The following STOX1 variants were observed in gnomAD, a reference collection of about 807,000 sequenced individuals.
STOX1 encodes storkhead-box protein 1.
Under a neutral mutation model 74.8 loss-of-function variants are expected in STOX1, and 57 were observed. That is an observed-to-expected ratio of 0.76 (90% confidence interval 0.62 to 0.95). STOX1 has a LOEUF of 0.95. Ranked by LOEUF, STOX1 falls within the 40% of genes least tolerant of loss-of-function variation. STOX1 has a pLI of 0.00. For missense variants in STOX1, 1,010 were observed against 1,117.0 expected (o/e 0.90, Z 1.37); for synonymous variants, 375 against 401.3 (o/e 0.93, Z 0.78).
intron 1 of STOX1, among the ~76,000 whole-genome samples, chr10:68,868,286 C>T (rs1198960597): frequency 1.3e-5 from 2 of 152,184 alleles, no homozygotes; most frequent in Non-Finnish European, 2.9e-5. Flanking sequence ...GCAGTAAGCC[C>T]GAGATAAACA....
intron 1 of STOX1, chr10:68,828,948 C>G (rs1403456456): frequency 2.0e-6 from 2 of 985,086 alleles, no homozygotes; most frequent in Non-Finnish European, 2.4e-6. Context: ...GAAACTAAAC[C>G]ACCGCACCCG....
At chr10:68,864,594 A>C (rs922694091) in intron 1 of STOX1, among the ~76,000 whole-genome samples, 1 of 152,236 alleles carries the variant, frequency 6.6e-6, no homozygotes, top group African/African-American at 2.4e-5. Context: ...CCAAATAAGG[A>C]GTCAAAGTCA....
chr10:68,837,660 G>T (rs568354426), intron 1 of STOX1, among the ~76,000 whole-genome samples: 1 of 152,314 alleles, frequency 6.6e-6, no homozygotes, highest in African/African-American at 2.4e-5. Context: ...TGCCCATGGT[G>T]CTTGTTCAGT....
chr10:68,841,106 C>A (rs1589217073), intron 1 of STOX1, among the ~76,000 whole-genome samples: 1 of 152,206 alleles, frequency 6.6e-6, no homozygotes, highest in African/African-American at 2.4e-5. Flanking sequence ...ACCACCAAGT[C>A]TGGCTCATTT....
At chr10:68,883,673 C>T (rs537428734) in intron 2 of STOX1, among the ~76,000 whole-genome samples, 1 of 151,836 alleles carries the variant, frequency 6.6e-6, no homozygotes, top group South Asian at 2.1e-4. Context: ...CTCAGCCTCC[C>T]AAAGTGCTGG....
At chr10:68,849,737 A>C (rs965765981) in intron 1 of STOX1, among the ~76,000 whole-genome samples, 4 of 152,172 alleles carry the variant, frequency 2.6e-5, no homozygotes, top group African/African-American at 4.8e-5. Flanking sequence ...AATTCCTCTC[A>C]TGATTGTTCT....
chr10:68,864,576 G>A (rs1840355684), intron 1 of STOX1, among the ~76,000 whole-genome samples: 1 of 152,302 alleles, frequency 6.6e-6, no homozygotes, highest in African/African-American at 2.4e-5. Flanking sequence ...TCATAGTAGC[G>A]ATTTGATCCA....
In STOX1 at chr10:68,886,835, G is replaced by A. The variant is rs565111798; in HGVS notation, c.2822+217G>A. 3.3e-5 allele frequency among the ~76,000 whole-genome samples: 5 copies of A among 151,820 alleles called. No homozygotes were observed. The South Asian group carries it at 1.0e-3, about 31-fold the overall frequency. Reference sequence around the variant, plus strand: ...CTCGGGAGGCTGAGGCAGGAGAATCGCTTAAACCCGGGAGGTGGAGGTTGT... The same window carrying A: ...CTCGGGAGGCTGAGGCAGGAGAATCACTTAAACCCGGGAGGTGGAGGTTGT... On this transcript the variant is annotated intron_variant, in intron 3 of 3. Transcript: ENST00000298596.
rs12241123 is a variant in STOX1 at position 68,828,352 on chromosome 10, C to T, written c.310+419C>T. ...CGCGCTGCAGGGGCGAGCGCGGCCC[C>T]GTCTTCTGCCACAGAGGCTAGGCGC... On this transcript the variant is annotated intron_variant, in intron 1 of 3. Transcript: ENST00000298596. The T allele has an allele frequency of 2.8e-3, 2,865 of 1,014,274 alleles. 56 individuals carry two copies. In the African/African-American group the frequency reaches 0.044, roughly 16 times the overall value. The allele number at this position is 1,014,274 out of a possible 1,614,324, so 62.8% of individuals were successfully genotyped here. A position where few individuals can be genotyped will look rare whatever the true frequency, so the allele number is the denominator to read the frequency against.
intron 1 of STOX1, among the ~76,000 whole-genome samples, chr10:68,877,725 C>T (rs538038453): frequency 6.6e-6 from 1 of 152,328 alleles, no homozygotes; most frequent in South Asian, 2.1e-4. Context: ...CTGATTTTCT[C>T]TCTTTCAGTG....
At chr10:68,887,344 G>T (rs574467143) in intron 3 of STOX1, among the ~76,000 whole-genome samples, 3 of 152,122 alleles carry the variant, frequency 2.0e-5, no homozygotes, top group South Asian at 4.1e-4. Context: ...GTGCAATGGC[G>T]TGATCTCGGC....
intron 1 of STOX1, among the ~76,000 whole-genome samples, chr10:68,853,796 C>T (rs1447412909): frequency 2.0e-5 from 3 of 151,764 alleles, no homozygotes; most frequent in African/African-American, 7.3e-5. Flanking sequence ...AGTGATTCTC[C>T]TGCCTCAGCC....
intron 1 of STOX1, among the ~76,000 whole-genome samples, chr10:68,837,053 C>T (rs536955602): frequency 6.6e-6 from 1 of 152,288 alleles, no homozygotes; most frequent in South Asian, 2.1e-4. Context: ...GAGCATTTAC[C>T]CTCTGCCCAG....
rs200461358 is a variant in STOX1, at chr10:68,852,248, G to GATTTTTTTTTTTTTTTTTTTTTTT, written c.310+24315_310+24316insATTTTTTTTTTTTTTTTTTTTTTT. Among the ~76,000 whole-genome samples the GATTTTTTTTTTTTTTTTTTTTTTT allele has an allele frequency of 5.3e-5, 7 of 132,210 alleles. 1 individual carries two copies. The highest frequency in any genetic ancestry group is 6.4e-5 in the Non-Finnish European group (4 of 62,218). The allele number at this position is 132,210 out of a possible 152,430, so 86.7% of individuals were successfully genotyped here. On this transcript the variant is annotated intron_variant, in intron 1 of 3. Transcript: ENST00000298596. ...TATGAGTTTAAGTTTTTCTCTTACT[G>GATTTTTTTTTTTTTTTTTTTTTTT]CTTTTTTTTTTTTTTTTTTTTGAGA...
intron 1 of STOX1, among the ~76,000 whole-genome samples, chr10:68,829,177 T>TA (rs1384640616): frequency 6.6e-6 from 1 of 152,200 alleles, no homozygotes; most frequent in Non-Finnish European, 1.5e-5. Context: ...GAGTCGCAAA[T>TA]AAAAAACATT....
intron 1 of STOX1, among the ~76,000 whole-genome samples, chr10:68,860,813 G>T (rs1487186131): frequency 6.6e-6 from 1 of 152,074 alleles, no homozygotes; most frequent in Non-Finnish European, 1.5e-5. Flanking sequence ...ATGAAGTAGG[G>T]CTAGTAGAAG....
chr10:68,868,016 G>C (rs943648474), intron 1 of STOX1, among the ~76,000 whole-genome samples: 1 of 152,140 alleles, frequency 6.6e-6, no homozygotes, highest in African/African-American at 2.4e-5. Flanking sequence ...TATTCACCAC[G>C]GGGATTGCTT....
intron 1 of STOX1, among the ~76,000 whole-genome samples, chr10:68,856,588 G>A (rs557185940): frequency 3.8e-4 from 58 of 152,186 alleles, no homozygotes; most frequent in Non-Finnish European, 5.6e-4. Flanking sequence ...AGTACCTCCT[G>A]AGACAGGAAG....
intron 1 of STOX1, among the ~76,000 whole-genome samples, chr10:68,835,825 G>A (rs1460096983): frequency 1.3e-5 from 2 of 152,178 alleles, no homozygotes; most frequent in African/African-American, 4.8e-5. Context: ...GTAGTTTAAA[G>A]TTTCCAGATG....
Sources: allele counts gnomAD v4.1 joint callset (sites outside exome capture counted in the v4.1 genomes callset), GRCh38; gene constraint gnomAD v4.1.1; transcripts MANE v1.5; gene names NCBI Gene and HGNC (gene_info 2026-07-23, HGNC 2026-07-21).